The following ST6GALNAC3 variants were observed in gnomAD, a reference collection of about 807,000 sequenced individuals.
ST6GALNAC3 encodes ST6 N-acetylgalactosaminide alpha-2,6-sialyltransferase 3.
Under a neutral mutation model 32.7 loss-of-function variants are expected in ST6GALNAC3, and 25 were observed. The ratio of observed to expected loss-of-function variants is 0.76; its 90% CI spans 0.56 to 1.07. The LOEUF (loss-of-function observed/expected upper bound fraction) is 1.07. Ranked by LOEUF, ST6GALNAC3 falls within the 50% of genes least tolerant of loss-of-function variation. The probability of loss-of-function intolerance (pLI) is 0.00; values close to 1 mark genes in which losing one functional copy is unlikely to be tolerated. For missense variants in ST6GALNAC3, 355 were observed against 382.4 expected, an observed-to-expected ratio of 0.93 and a Z score of 0.60; for synonymous variants, 129 against 133.1, an observed-to-expected ratio of 0.97 and a Z score of 0.21.
chr1:76,208,867 A>G (rs1654981330), intron 1 of ST6GALNAC3, among the ~76,000 whole-genome samples: 1 of 152,052 alleles, frequency 6.6e-6, no homozygotes, highest in Non-Finnish European at 1.5e-5. Flanking sequence ...TTCTCTGGAG[A>G]CAAGTAGTGC....
At chr1:76,236,369 A>G (rs1018742605) in intron 1 of ST6GALNAC3, among the ~76,000 whole-genome samples, 5 of 152,342 alleles carry the variant, frequency 3.3e-5, no homozygotes, top group African/African-American at 1.2e-4. Context: ...AATTCAACCC[A>G]TGACACCACC....
At chr1:76,505,712 T>G (rs61773272) in intron 3 of ST6GALNAC3, among the ~76,000 whole-genome samples, 452 of 152,276 alleles carry the variant, frequency 3.0e-3, no homozygotes, top group Non-Finnish European at 5.0e-3. Flanking sequence ...TGAAATGCAG[T>G]GTTGTATCAT....
chr1:76,609,581 C>CT (rs1018761619), intron 3 of ST6GALNAC3, among the ~76,000 whole-genome samples: 2 of 152,002 alleles, frequency 1.3e-5, no homozygotes, highest in Non-Finnish European at 2.9e-5. Flanking sequence ...TTAGAGAACA[C>CT]TTTTTCCACA....
At chr1:76,153,929 C>T (rs543270500) in intron 1 of ST6GALNAC3, among the ~76,000 whole-genome samples, 3 of 152,264 alleles carry the variant, frequency 2.0e-5, no homozygotes, top group Admixed American at 1.3e-4. Context: ...GGTGTCTTAT[C>T]TAAGACCTTG....
intron 1 of ST6GALNAC3, among the ~76,000 whole-genome samples, chr1:76,291,270 G>A (rs953658261): frequency 6.6e-6 from 1 of 152,232 alleles, no homozygotes; most frequent in Non-Finnish European, 1.5e-5. Context: ...CGTTGGAGGG[G>A]CGGGCTGATT....
intron 3 of ST6GALNAC3, among the ~76,000 whole-genome samples, chr1:76,473,884 C>T (rs764565567): frequency 7.2e-5 from 11 of 152,014 alleles, no homozygotes; most frequent in Non-Finnish European, 1.3e-4. Context: ...ACTTCTGTGC[C>T]TAAACCTTAA....
intron 1 of ST6GALNAC3, among the ~76,000 whole-genome samples, chr1:76,169,827 T>C (rs915364042): frequency 6.6e-6 from 1 of 152,180 alleles, no homozygotes; most frequent in East Asian, 1.9e-4. Context: ...TTTTAAAATA[T>C]ATATATATAC....
intron 1 of ST6GALNAC3, among the ~76,000 whole-genome samples, chr1:76,191,361 G>A (rs982378571): frequency 3.3e-5 from 5 of 152,078 alleles, no homozygotes; most frequent in Non-Finnish European, 7.4e-5. Context: ...TAGGATACTA[G>A]GAATTGGGGA....
At chr1:76,235,559 A>G (rs1051744570) in intron 1 of ST6GALNAC3, among the ~76,000 whole-genome samples, 36 of 151,926 alleles carry the variant, frequency 2.4e-4, no homozygotes, top group Admixed American at 1.3e-4. Context: ...TTGAATGCCT[A>G]CAAAAGCCAA....
chr1:76,391,704 A>T (rs892421409), intron 2 of ST6GALNAC3, among the ~76,000 whole-genome samples: 1 of 151,552 alleles, frequency 6.6e-6, no homozygotes, highest in African/African-American at 2.4e-5. Flanking sequence ...CTTACCCTAG[A>T]TTTTTATTTC....
At chr1:76,146,982 C>T (rs1241739834) in intron 1 of ST6GALNAC3, among the ~76,000 whole-genome samples, 1 of 152,114 alleles carries the variant, frequency 6.6e-6, no homozygotes, top group Non-Finnish European at 1.5e-5. Flanking sequence ...CCGTGTACTG[C>T]TCCACGTGTC....
intron 1 of ST6GALNAC3, among the ~76,000 whole-genome samples, chr1:76,186,735 C>T (rs1653580254): frequency 1.3e-5 from 2 of 152,184 alleles, no homozygotes; most frequent in South Asian, 4.1e-4. Flanking sequence ...CTGTGGTCAT[C>T]TGCTTTCTGC....
At chr1:76,447,496 GAATGTT>G (rs1657063864) in intron 3 of ST6GALNAC3, among the ~76,000 whole-genome samples, 1 of 152,128 alleles carries the variant, frequency 6.6e-6, no homozygotes, top group Non-Finnish European at 1.5e-5. Flanking sequence ...ACAAGGAGCT[GAATGTT>G]AATACCCAAG....
rs1649213873 is a variant in ST6GALNAC3 at position 76,630,080 on chromosome 1, A to G, written c.*1274A>G. ...ATGCCCTTGAACACCCCATTGGGCT[A>G]TTGTCTGTGTATTCTGCTCTCTTTA... On this transcript the variant is annotated 3_prime_UTR_variant, in exon 5 of 5. Transcript: ENST00000328299. The G allele has an allele frequency of 2.0e-6, 2 of 985,064 alleles. No homozygotes were observed. The highest frequency in any genetic ancestry group is 6.2e-5 in the Admixed American group (1 of 16,212). 61.0% of individuals were successfully genotyped at this position (985,064 alleles called of 1,614,324 possible). A position where few individuals can be genotyped will look rare whatever the true frequency, so the allele number is the denominator to read the frequency against.
At chr1:76,622,149 G>A (rs1224150128) in intron 3 of ST6GALNAC3, among the ~76,000 whole-genome samples, 2 of 150,940 alleles carry the variant, frequency 1.3e-5, no homozygotes, top group Admixed American at 6.7e-5. Context: ...TAGAACTGAA[G>A]CTGCAAAGTT....
intron 3 of ST6GALNAC3, among the ~76,000 whole-genome samples, chr1:76,498,580 G>A (rs1174942183): frequency 7.2e-5 from 11 of 152,104 alleles, no homozygotes; most frequent in Non-Finnish European, 1.3e-4. Context: ...CACCTAATTC[G>A]AGAGTTTATT....
chr1:76,309,045 G>A (rs949865549), intron 1 of ST6GALNAC3, among the ~76,000 whole-genome samples: 2 of 152,022 alleles, frequency 1.3e-5, no homozygotes, highest in Non-Finnish European at 2.9e-5. Flanking sequence ...TTCTCTTGGC[G>A]AGGCCGCCGC....
chr1:76,123,315 G>A lies in ST6GALNAC3; in HGVS notation c.18+48431G>A, dbSNP rs529639350. Among the ~76,000 whole-genome samples, 4 of 150,040 alleles carry A rather than the reference G, an allele frequency of 2.7e-5. No individual in the cohort carries two copies. The Admixed American group carries it at 2.7e-4, about 10-fold the overall frequency. ...AATTGCTTGGACCCGGGAGGCAGAG[G>A]TTGCACTGAGCCGAGATTATGCCAT... is the stretch of plus-strand genomic sequence containing the variant. On this transcript the variant is annotated intron_variant, in intron 1 of 4. Coordinates refer to ENST00000328299, the MANE Select transcript of ST6GALNAC3 (RefSeq NM_152996.4).
Position 76,362,971 on chromosome 1 carries a change from G to A in ST6GALNAC3, c.213+48972G>A, listed in dbSNP as rs114658434. Among the ~76,000 whole-genome samples the A allele has an allele frequency of 6.8e-3, 1,033 of 152,264 alleles. 7 individuals carry two copies. Among genetic ancestry groups the A allele is most frequent in the African/African-American group, 0.024 (1,010 of 41,556 alleles). On this transcript the variant is annotated intron_variant, in intron 2 of 4. Coordinates refer to ENST00000328299, the MANE Select transcript of ST6GALNAC3 (RefSeq NM_152996.4). Reference sequence around the variant, plus strand: ...GCTCCTCTAGGCAGTGCCCCAGCAGGGACTCTGAACATGGGCTCCAACTCC... The same window carrying A: ...GCTCCTCTAGGCAGTGCCCCAGCAGAGACTCTGAACATGGGCTCCAACTCC...
Sources: gnomAD v4.1 joint callset for allele counts (sites outside exome capture counted in the v4.1 genomes callset) on GRCh38, gnomAD v4.1.1 for gene constraint, MANE v1.5 for transcripts, NCBI Gene and HGNC (gene_info 2026-07-23, HGNC 2026-07-21) for gene names.